HIPK2: variants seen among roughly 807,000 people sequenced by gnomAD.
HIPK2 encodes homeodomain interacting protein kinase 2, also known as homeodomain-interacting protein kinase 2.
HIPK2 carries 27 observed loss-of-function variants against 113.7 expected under a neutral mutation model. That is an observed-to-expected ratio of 0.24 (90% confidence interval 0.17 to 0.33). HIPK2 has a LOEUF of 0.33. Ranked by LOEUF, HIPK2 falls within the 10% of genes least tolerant of loss-of-function variation. HIPK2 has a pLI of 1.00. For missense variants in HIPK2, 1,257 were observed against 1,588.0 expected, an observed-to-expected ratio of 0.79 and a Z score of 3.54; for synonymous variants, 631 against 642.2, an observed-to-expected ratio of 0.98 and a Z score of 0.26.
rs1397065713 is a variant in HIPK2 at position 139,625,852 on chromosome 7, G to A, written c.1619+749C>T. ...ACTGTACCCCGGCACACAGCACGCTGAAGAAATGAATGAACAAATCCAAAC... is the reference window on the plus strand; with the variant it reads ...ACTGTACCCCGGCACACAGCACGCTAAAGAAATGAATGAACAAATCCAAAC... On this transcript the variant is annotated intron_variant, in intron 6 of 14. Transcript: ENST00000406875. Among the ~76,000 whole-genome samples the A allele has an allele frequency of 3.9e-5, 6 of 152,164 alleles. No homozygotes were observed. The East Asian group carries it at 9.6e-4, about 24-fold the overall frequency.
At chr7:139,668,686 G>C (rs766968497) in intron 2 of HIPK2, among the ~76,000 whole-genome samples, 1 of 152,092 alleles carries the variant, frequency 6.6e-6, no homozygotes. Context: ...TTAACAAATG[G>C]AATCTATTCT....
Position 139,572,837 on chromosome 7 carries a change from G to A in HIPK2, c.*90C>T. 1 of 854,522 alleles carries A rather than the reference G, an allele frequency of 1.2e-6. No individual in the cohort carries two copies. The allele number at this position is 854,522 out of a possible 1,614,324, so 52.9% of individuals were successfully genotyped here. A position where few individuals can be genotyped will look rare whatever the true frequency, so the allele number is the denominator to read the frequency against. On this transcript the variant is annotated 3_prime_UTR_variant, in exon 15 of 15. Transcript: ENST00000406875. ...GGCATCTTCAGTATAAAAGGCCAGC[G>A]CCCACGGTCCCAGGAGCGCCTCCCT...
chr7:139,698,077 C>G lies in HIPK2; in HGVS notation c.1103+17855G>C, dbSNP rs1455196017. On this transcript the variant is annotated intron_variant, in intron 2 of 14. Transcript: ENST00000406875. Reference sequence around the variant, plus strand: ...ACAAGGTTTCGTTATGTTGGCCAGGCTGGTCTTGAACTCCTGGCCTCAAGT... The same window carrying G: ...ACAAGGTTTCGTTATGTTGGCCAGGGTGGTCTTGAACTCCTGGCCTCAAGT... 2.0e-5 allele frequency among the ~76,000 whole-genome samples: 3 copies of G among 152,068 alleles called. No homozygotes were observed. In the East Asian group the frequency reaches 5.8e-4, roughly 29 times the overall value.
Position 139,626,466 on chromosome 7 carries a change from T to G in HIPK2, c.1619+135A>C. ...CACTCATCTGTTTATGTATTGCATCTGTGGCTGCTTTCAGCTACAGTGACA... is the reference window on the plus strand; with the variant it reads ...CACTCATCTGTTTATGTATTGCATCGGTGGCTGCTTTCAGCTACAGTGACA... On this transcript the variant is annotated intron_variant, in intron 6 of 14. Transcript: ENST00000406875. The G allele has an allele frequency of 5.8e-6, 5 of 854,798 alleles. No individual in the cohort carries two copies. The South Asian group carries it at 8.8e-5, about 15-fold the overall frequency. The allele number at this position is 854,798 out of a possible 1,614,324, so 53.0% of individuals were successfully genotyped here. A position where few individuals can be genotyped will look rare whatever the true frequency, so the allele number is the denominator to read the frequency against.
chr7:139,649,019 A>T (rs1585325419), intron 2 of HIPK2, among the ~76,000 whole-genome samples: 1 of 152,222 alleles, frequency 6.6e-6, no homozygotes, highest in African/African-American at 2.4e-5. Flanking sequence ...AAAAGGCAGC[A>T]CCATATTTCC....
intron 1 of HIPK2, among the ~76,000 whole-genome samples, chr7:139,722,345 G>A (rs915753868): frequency 2.0e-5 from 3 of 152,110 alleles, no homozygotes; most frequent in Non-Finnish European, 2.9e-5. Flanking sequence ...CTCTCATGCC[G>A]AAACAAATCC....
intron 2 of HIPK2, among the ~76,000 whole-genome samples, chr7:139,677,213 G>A (rs994479221): frequency 1.1e-4 from 17 of 150,868 alleles, no homozygotes; most frequent in African/African-American, 3.0e-4. Flanking sequence ...GTGTGTGTAT[G>A]TAGAGAGAGA....
At position 139,734,317 on chromosome 7, in the gene HIPK2, T is replaced by A. The variant is rs146741720; in HGVS notation, c.20-17302A>T. On this transcript the variant is annotated intron_variant, in intron 1 of 14. Transcript: ENST00000406875. ...GTGCACGTACTAATCCCCCACCTAA[T>A]AACTTTTCTGAACAAGTGGAAGGCA... Among the ~76,000 whole-genome samples, 11 of 152,298 alleles carry A rather than the reference T, an allele frequency of 7.2e-5. No individual in the cohort carries two copies. The East Asian group carries it at 2.1e-3, about 29-fold the overall frequency.
In HIPK2 at chr7:139,613,353, G is replaced by T; in HGVS notation, c.1991-30C>A. On this transcript the variant is annotated intron_variant, in intron 8 of 14. Transcript: ENST00000406875. This position sits in a 1 kb window ranked among gnomAD's most constrained non-coding sequence, Gnocchi z 4.2. ...TCCAGACAGTGTGAGGGAGAGAAGG[G>T]TTAGCTGAGACGCTGTGAACAGCTG... 6.2e-7 allele frequency: 1 copy of T among 1,610,840 alleles called. No individual in the cohort carries two copies. The highest frequency in any genetic ancestry group is 8.5e-7 in the Non-Finnish European group (1 of 1,178,560).
chr7:139,665,387 T>G (rs1802014859), intron 2 of HIPK2, among the ~76,000 whole-genome samples: 1 of 152,176 alleles, frequency 6.6e-6, no homozygotes, highest in Non-Finnish European at 1.5e-5. Flanking sequence ...ATCCCAACCC[T>G]TCTTCTTTTT....
At chr7:139,769,968 G>GTT (rs1414289161) in intron 1 of HIPK2, among the ~76,000 whole-genome samples, 4 of 152,204 alleles carry the variant, frequency 2.6e-5, no homozygotes, top group African/African-American at 9.7e-5. Flanking sequence ...GAGGTGAGTG[G>GTT]TTCAGGGGAA....
intron 2 of HIPK2, among the ~76,000 whole-genome samples, chr7:139,687,581 G>A (rs1283345141): frequency 6.6e-6 from 1 of 152,122 alleles, no homozygotes; most frequent in African/African-American, 2.4e-5. Flanking sequence ...TTTAACACAG[G>A]GTATGGGTGA....
chr7:139,716,958 C>T lies in HIPK2; in HGVS notation c.77G>A (p.Cys26Tyr), dbSNP rs1795264954. Residue 26 changes from cysteine (C) to tyrosine (Y), a missense_variant, in exon 2 of 15, where the codon TGT becomes TAT. Cys to Tyr is a radical substitution (Grantham distance 194, BLOSUM62 -2). Transcript: ENST00000406875. The surrounding 1 kb of genome is among the most constrained non-coding windows in gnomAD (Gnocchi z 9.3). The stretch of plus-strand genomic sequence containing the variant: ...CTCTATTTTCAGTTTCTTCACACTA[C>T]AGAAGGCACTTGATTGAAGGGTGTG... ...SPHTLQSSAF[C>Y]SVKKLKIEPS... 3 of 1,613,884 alleles carry T rather than the reference C, an allele frequency of 1.9e-6. No homozygotes were observed. Among genetic ancestry groups the T allele is most frequent in the Non-Finnish European group, 2.5e-6 (3 of 1,179,842 alleles).
intron 2 of HIPK2, among the ~76,000 whole-genome samples, chr7:139,703,664 A>C (rs2116862577): frequency 6.6e-6 from 1 of 151,454 alleles, no homozygotes; most frequent in South Asian, 2.1e-4. Flanking sequence ...CACACACAGC[A>C]GCACATGTAA....
In HIPK2 at chr7:139,567,663, G is replaced by A. The variant is rs1798134949; in HGVS notation, c.*5264C>T. ...ACCAGAAGGAAAAGACACAGACAGG[G>A]AATGAAGCCTGCAAAGTCCCTGGGG... On this transcript the variant is annotated 3_prime_UTR_variant, in exon 15 of 15. Coordinates refer to ENST00000406875, the MANE Select transcript of HIPK2 (RefSeq NM_022740.5). 2 of 152,178 alleles carry A rather than the reference G, an allele frequency of 1.3e-5. No homozygotes were observed. The highest frequency in any genetic ancestry group is 2.9e-5 in the Non-Finnish European group (2 of 68,038). The allele number at this position is 152,178 out of a possible 1,614,324, so 9.4% of individuals were successfully genotyped here.
intron 2 of HIPK2, among the ~76,000 whole-genome samples, chr7:139,680,277 A>AATCAC (rs1802652317): frequency 6.6e-6 from 1 of 152,182 alleles, no homozygotes; most frequent in Non-Finnish European, 1.5e-5. Flanking sequence ...TCCCACATGG[A>AATCAC]ATCACGATTC....
chr7:139,695,019 G>C (rs886965899), intron 2 of HIPK2, among the ~76,000 whole-genome samples: 1 of 152,150 alleles, frequency 6.6e-6, no homozygotes, highest in South Asian at 2.1e-4. Flanking sequence ...ATGTTTACTG[G>C]CATTTTTCCT....
intron 2 of HIPK2, among the ~76,000 whole-genome samples, chr7:139,636,951 C>T (rs1484355452): frequency 6.6e-6 from 1 of 152,108 alleles, no homozygotes; most frequent in African/African-American, 2.4e-5. Flanking sequence ...TTCTCTGATC[C>T]CCCTCTCTAA....
intron 2 of HIPK2, among the ~76,000 whole-genome samples, chr7:139,699,849 A>C (rs1187661416): frequency 7.2e-5 from 11 of 152,194 alleles, no homozygotes; most frequent in Admixed American, 7.2e-4. Flanking sequence ...GTGAATGCAC[A>C]GATGTGCCCT....
Sources: gnomAD v4.1 joint callset for allele counts (sites outside exome capture counted in the v4.1 genomes callset) on GRCh38, gnomAD v4.1.1 for gene constraint, Gnocchi (gnomAD v3.1) non-coding constraint, MANE v1.5 for transcripts, NCBI Gene and HGNC (gene_info 2026-07-23, HGNC 2026-07-21) for gene names.